DDX4: variants seen among roughly 807,000 people sequenced by gnomAD.
The protein encoded by DDX4 is probable ATP-dependent RNA helicase DDX4.
In DDX4, 25 loss-of-function variants were observed where a neutral mutation model predicts 100.0. That is an observed-to-expected ratio of 0.25 (90% CI 0.18 to 0.35). DDX4 has a LOEUF of 0.35. Ranked by LOEUF, DDX4 falls within the 10% of genes least tolerant of loss-of-function variation. DDX4 has a pLI of 1.00. For synonymous variants in DDX4, 259 were observed against 275.7 expected, an observed-to-expected ratio of 0.94 and a Z score of 0.60; for missense variants, 635 against 882.4, an observed-to-expected ratio of 0.72 and a Z score of 3.55.
intron 7 of DDX4, among the ~76,000 whole-genome samples, chr5:55,771,551 A>G (rs951817557): frequency 6.6e-6 from 1 of 152,208 alleles, no homozygotes; most frequent in Non-Finnish European, 1.5e-5. Context: ...TTCTGTAAAC[A>G]TTCTAGTATT....
chr5:55,767,786 C>A, intron 6 of DDX4, 95 bp from the exon 7 acceptor site: 1 of 799,574 alleles, frequency 1.3e-6, no homozygotes, highest in African/African-American at 1.7e-5. Context: ...AATATTTTGT[C>A]TTCTTACTAA....
chr5:55,814,769 T>C, intron 19 of DDX4, 132 bp from the exon 20 acceptor site: 2 of 920,778 alleles, frequency 2.2e-6, no homozygotes, highest in East Asian at 5.1e-5. Flanking sequence ...GGGTTACAGG[T>C]GTGAGCCACT....
intron 7 of DDX4, among the ~76,000 whole-genome samples, chr5:55,770,337 A>AG (rs1390090014): frequency 6.6e-6 from 1 of 152,064 alleles, no homozygotes; most frequent in Admixed American, 6.6e-5. Flanking sequence ...TGGAAATTTG[A>AG]GGGGGGAAGA....
chr5:55,774,745 T>G (rs932827474), intron 7 of DDX4, among the ~76,000 whole-genome samples: 13 of 152,208 alleles, frequency 8.5e-5, no homozygotes, highest in African/African-American at 2.9e-4. Context: ...TACCCAGTTG[T>G]TCTAGCACCA....
intron 18 of DDX4, among the ~76,000 whole-genome samples, chr5:55,807,334 T>C (rs1331319639): frequency 3.3e-5 from 5 of 152,230 alleles, no homozygotes; most frequent in African/African-American, 7.2e-5. Context: ...TTAAGGTTAA[T>C]ATTGTTATGT....
chr5:55,778,574 A>G (rs1741710715), intron 7 of DDX4, among the ~76,000 whole-genome samples: 2 of 152,202 alleles, frequency 1.3e-5, no homozygotes, highest in Non-Finnish European at 2.9e-5. Flanking sequence ...AGGTAGTTTC[A>G]TATGTCAACA....
At chr5:55,783,144 C>T (rs918124356) in intron 10 of DDX4, among the ~76,000 whole-genome samples, 1 of 152,028 alleles carries the variant, frequency 6.6e-6, no homozygotes, top group African/African-American at 2.4e-5. Context: ...AGTTAAAATG[C>T]TCTCCAGACT....
intron 3 of DDX4, among the ~76,000 whole-genome samples, chr5:55,750,586 T>C (rs1759495963): frequency 6.6e-6 from 1 of 152,188 alleles, no homozygotes; most frequent in Non-Finnish European, 1.5e-5. Context: ...CTTGATAGTA[T>C]AGATTGTTTG....
At chr5:55,785,154 G>T (rs1742165627) in intron 10 of DDX4, 143 bp from the exon 11 acceptor site, 3 of 674,690 alleles carry the variant, frequency 4.4e-6, no homozygotes, top group Non-Finnish European at 8.0e-6. Context: ...AATGTACAAG[G>T]TTCTATTTAA....
At chr5:55,770,989 C>T (rs774395159) in intron 7 of DDX4, among the ~76,000 whole-genome samples, 12 of 152,060 alleles carry the variant, frequency 7.9e-5, no homozygotes, top group South Asian at 2.1e-4. Flanking sequence ...TGTGCTTGGT[C>T]CTGACTTACA....
chr5:55,814,504 C>CTTTTT (rs575021582), intron 19 of DDX4, among the ~76,000 whole-genome samples: 1 of 125,974 alleles, frequency 7.9e-6, no homozygotes, highest in Non-Finnish European at 1.6e-5. Context: ...TGCTGCTATT[C>CTTTTT]TTTTTTTTTT....
chr5:55,740,299 C>T (rs1227370984), intron 2 of DDX4, among the ~76,000 whole-genome samples: 3 of 151,742 alleles, frequency 2.0e-5, no homozygotes, highest in East Asian at 1.9e-4. Flanking sequence ...CCTCCCTCAG[C>T]GAGACTACAG....
chr5:55,796,823 C>CTTTCTTTTTTT, intron 17 of DDX4, among the ~76,000 whole-genome samples: 1 of 59,936 alleles, frequency 1.7e-5, no homozygotes, highest in Non-Finnish European at 3.2e-5. Context: ...TTCTTTCTTT[C>CTTTCTTTTTTT]TTTTTTTTTT....
In DDX4 at chr5:55,785,748, A is replaced by C. The variant is rs34616995; in HGVS notation, c.741A>C (p.Ile247=). Residue 247 remains isoleucine, a synonymous_variant, in exon 13 of 22, where the codon ATA becomes ATC. Coordinates refer to ENST00000505374, the MANE Select transcript of DDX4 (RefSeq NM_024415.3). ...SDTQGPKVTY[I]PPPPPEDEDS... ...TCCAAGGACCAAAAGTGACCTACAT[A>C]CCCCCTCCTCCACCTGAGGATGAGG... 1 of 1,612,044 alleles carries C rather than the reference A, an allele frequency of 6.2e-7. No homozygotes were observed. Among genetic ancestry groups the C allele is most frequent in the East Asian group, 2.2e-5 (1 of 44,840 alleles).
chr5:55,744,730 A>T (rs1054902447), intron 2 of DDX4, among the ~76,000 whole-genome samples: 2 of 152,240 alleles, frequency 1.3e-5, no homozygotes, highest in Non-Finnish European at 2.9e-5. Context: ...TACTGCTGTG[A>T]CAAATGTGAT....
At chr5:55,793,028 G>C (rs1446254493) in intron 17 of DDX4, among the ~76,000 whole-genome samples, 1 of 123,320 alleles carries the variant, frequency 8.1e-6, no homozygotes, top group Non-Finnish European at 1.7e-5. Flanking sequence ...TAAAAAGTGT[G>C]TGTGTGTGTG....
chr5:55,738,371 T>C (rs1407432457), intron 1 of DDX4: 3 of 154,580 alleles, frequency 1.9e-5, no homozygotes, highest in Non-Finnish European at 4.3e-5. Flanking sequence ...CAAATCCTTC[T>C]TGATGAAGCT....
At chr5:55,815,936 G>GT (rs1183741125) in intron 21 of DDX4, among the ~76,000 whole-genome samples, 10 of 115,678 alleles carry the variant, frequency 8.6e-5, no homozygotes, top group African/African-American at 2.5e-4. Context: ...CATCTTAGCT[G>GT]GTTTTTTTTT....
intron 21 of DDX4, among the ~76,000 whole-genome samples, chr5:55,815,857 C>T (rs529706085): frequency 3.5e-4 from 52 of 150,254 alleles, no homozygotes; most frequent in African/African-American, 1.1e-3. Context: ...CTGCAACCTC[C>T]GCCTCCCAGG....
Sources: allele counts gnomAD v4.1 joint callset (sites outside exome capture counted in the v4.1 genomes callset), GRCh38; gene constraint gnomAD v4.1.1; transcripts MANE v1.5; gene names NCBI Gene and HGNC (gene_info 2026-07-23, HGNC 2026-07-21).